The following TBC1D9 variants were observed in gnomAD, a reference collection of about 807,000 sequenced individuals.
TBC1D9 encodes TBC1 domain family member 9, also known as TBC1 domain family member 9A.
Under a neutral mutation model 132.0 loss-of-function variants are expected in TBC1D9, and 63 were observed. The ratio of observed to expected loss-of-function variants is 0.48; its 90% CI spans 0.39 to 0.59. The LOEUF (loss-of-function observed/expected upper bound fraction) is 0.59, where lower values mean the gene tolerates loss of function less well. Among genes scored for constraint, TBC1D9 ranks in the 20% least tolerant of loss-of-function variants. The pLI is 0.00. For synonymous variants in TBC1D9, 610 were observed against 609.9 expected (o/e 1.00, Z 0.00); for missense variants, 1,261 against 1,592.7 (o/e 0.79, Z 3.54).
chr4:140,742,060 CG>C (rs1738766914), intron 1 of TBC1D9, among the ~76,000 whole-genome samples: 1 of 152,174 alleles, frequency 6.6e-6, no homozygotes, highest in South Asian at 2.1e-4. Context: ...TCAATGACCC[CG>C]GGCACATGTT....
chr4:140,736,276 C>T (rs1162630438), intron 1 of TBC1D9, among the ~76,000 whole-genome samples: 1 of 152,020 alleles, frequency 6.6e-6, no homozygotes, highest in Non-Finnish European at 1.5e-5. Flanking sequence ...CACGATGGCT[C>T]ACATCTGTAA....
chr4:140,675,569 AT>A, intron 6 of TBC1D9, among the ~76,000 whole-genome samples: 1 of 152,320 alleles, frequency 6.6e-6, no homozygotes, highest in East Asian at 1.9e-4. Flanking sequence ...AGAGTAAGCT[AT>A]CATCCTGGAG....
rs747838678 is a variant in TBC1D9, at chr4:140,686,478, T to G, written c.242-16A>C. 1 of 1,453,744 alleles carries G rather than the reference T, an allele frequency of 6.9e-7. No individual in the cohort carries two copies. Among genetic ancestry groups the G allele is most frequent in the South Asian group, 1.2e-5 (1 of 84,354 alleles). The allele number at this position is 1,453,744 out of a possible 1,614,324, so 90.1% of individuals were successfully genotyped here. On this transcript the variant is annotated splice_polypyrimidine_tract_variant and intron_variant, in intron 2 of 20. Transcript: ENST00000442267. Reference sequence around the variant, plus strand: ...CTGGAACCACCTGTACAAATGAAAATAATAATTCATGTCAGATTTCATGCC... The same window carrying G: ...CTGGAACCACCTGTACAAATGAAAAGAATAATTCATGTCAGATTTCATGCC...
intron 1 of TBC1D9, among the ~76,000 whole-genome samples, chr4:140,740,224 T>C (rs951404718): frequency 2.0e-5 from 3 of 152,220 alleles, no homozygotes; most frequent in Non-Finnish European, 2.9e-5. Context: ...CCTAACACTA[T>C]GTATTAGCCA....
intron 1 of TBC1D9, among the ~76,000 whole-genome samples, chr4:140,753,957 C>A (rs1327095163): frequency 1.3e-5 from 2 of 152,196 alleles, no homozygotes; most frequent in African/African-American, 4.8e-5. Context: ...TGAAAATAGC[C>A]TTTGTTGTCA....
intron 13 of TBC1D9, among the ~76,000 whole-genome samples, chr4:140,655,592 A>G (rs1193810108): frequency 6.6e-6 from 1 of 152,226 alleles, no homozygotes; most frequent in Non-Finnish European, 1.5e-5. Flanking sequence ...CAGGAAATGA[A>G]GAAACCATCA....
intron 1 of TBC1D9, among the ~76,000 whole-genome samples, chr4:140,709,881 A>C (rs182598559): frequency 6.6e-6 from 1 of 152,320 alleles, no homozygotes; most frequent in Admixed American, 6.5e-5. Context: ...AGTTGATTTG[A>C]AACGAGGTGG....
At chr4:140,642,013 C>A in intron 13 of TBC1D9, 2 of 637,458 alleles carry the variant, frequency 3.1e-6, no homozygotes, top group South Asian at 1.8e-5. Flanking sequence ...CTTAGCCTCT[C>A]GAAGCAGCAA....
At chr4:140,695,000 C>T (rs1737931981) in intron 2 of TBC1D9, among the ~76,000 whole-genome samples, 1 of 152,066 alleles carries the variant, frequency 6.6e-6, no homozygotes, top group Non-Finnish European at 1.5e-5. Flanking sequence ...ATAAAAATAC[C>T]TATCAACTTT....
In TBC1D9 at chr4:140,624,212, T is replaced by C; in HGVS notation, c.2982A>G (p.Arg994=). The change falls in exon 20 of 21, where the codon AGA becomes AGG. Residue 994 remains arginine, a synonymous_variant. Coordinates refer to ENST00000442267, the MANE Select transcript of TBC1D9 (RefSeq NM_015130.3). ...AATTACGATTTTCTTGGGAATTTGC[T>C]CTCTTCCCTACAACCCAAATGTCAA... ...TVSLKPDKGK[R]ANSQENRNYL... 1.2e-6 allele frequency: 2 copies of C among 1,611,732 alleles called. No homozygotes were observed. The highest frequency in any genetic ancestry group is 1.7e-6 in the Non-Finnish European group (2 of 1,178,712).
Position 140,622,192 on chromosome 4 carries a change from G to C in TBC1D9, c.*3C>G. On this transcript the variant is annotated 3_prime_UTR_variant, in exon 21 of 21. Transcript: ENST00000442267. Reference sequence around the variant, plus strand: ...CTCCCACTCCCCCGGGAAGGCGCCCGTGTCAGCCGGACATGGCCGAGATTT... The same window carrying C: ...CTCCCACTCCCCCGGGAAGGCGCCCCTGTCAGCCGGACATGGCCGAGATTT... 3.2e-6 allele frequency: 5 copies of C among 1,569,132 alleles called. No homozygotes were observed. The highest frequency in any genetic ancestry group is 4.4e-6 in the Non-Finnish European group (5 of 1,148,366).
chr4:140,705,596 C>T (rs572635492), intron 1 of TBC1D9, among the ~76,000 whole-genome samples: 5 of 151,782 alleles, frequency 3.3e-5, no homozygotes, highest in African/African-American at 1.2e-4. Context: ...TCTGTTGGTA[C>T]ATGAAGTCAA....
At chr4:140,729,612 G>C (rs550343768) in intron 1 of TBC1D9, among the ~76,000 whole-genome samples, 60 of 152,182 alleles carry the variant, frequency 3.9e-4, no homozygotes, top group African/African-American at 1.3e-3. Flanking sequence ...GAGATCAAGA[G>C]ATTGAGACCA....
intron 2 of TBC1D9, among the ~76,000 whole-genome samples, chr4:140,699,730 A>G (rs1465963173): frequency 3.3e-5 from 5 of 152,328 alleles, no homozygotes; most frequent in Non-Finnish European, 7.3e-5. Flanking sequence ...TGAAACAGAA[A>G]AAGAAAATGA....
intron 1 of TBC1D9, among the ~76,000 whole-genome samples, chr4:140,743,589 C>A (rs938498071): frequency 6.6e-6 from 1 of 152,196 alleles, no homozygotes; most frequent in African/African-American, 2.4e-5. Context: ...ACCCTCAGGG[C>A]TTTTGTCTGT....
rs1220098926 is a variant in TBC1D9 at position 140,661,999 on chromosome 4, C to T, written c.1697G>A (p.Arg566His). The part of the protein sequence containing the change: ...ATEEIERDLH[R>H]SLPEHPAFQN... ...AAAAGCTGGGTGTTCTGGAAGGGAG[C>T]GGTGTAAATCCCTCTCAATCTCCTC... The change falls in exon 10 of 21, where the codon CGC becomes CAC. Residue 566 changes from arginine to histidine, a missense_variant. Arg to His is a conservative substitution (Grantham distance 29, BLOSUM62 0). Around this residue, in one of 3 missense-constraint regions of TBC1D9, gnomAD observed 93 missense variants for 169.2 expected, o/e 0.55. Transcript: ENST00000442267. 11 of 1,613,702 alleles carry T rather than the reference C, an allele frequency of 6.8e-6. No individual in the cohort carries two copies. The highest frequency in any genetic ancestry group is 2.7e-5 in the African/African-American group (2 of 74,912).
intron 1 of TBC1D9, 53 bp downstream of exon 1, chr4:140,755,863 G>C: frequency 2.0e-6 from 3 of 1,482,220 alleles, no homozygotes; most frequent in Non-Finnish European, 2.7e-6. Flanking sequence ...GGCCGCGGGC[G>C]GCGCCGCAGC....
intron 1 of TBC1D9, among the ~76,000 whole-genome samples, chr4:140,731,697 C>CT (rs1738593617): frequency 6.6e-6 from 1 of 151,466 alleles, no homozygotes; most frequent in South Asian, 2.1e-4. Flanking sequence ...ACACACACCC[C>CT]AAACATTTGC....
At chr4:140,703,285 T>G (rs552125276) in intron 1 of TBC1D9, among the ~76,000 whole-genome samples, 1 of 152,296 alleles carries the variant, frequency 6.6e-6, no homozygotes, top group African/African-American at 2.4e-5. Flanking sequence ...ATTCTGAAAA[T>G]GTTGCCACCA....
Sources: allele counts gnomAD v4.1 joint callset (sites outside exome capture counted in the v4.1 genomes callset), GRCh38; gene constraint gnomAD v4.1.1; regional missense constraint gnomAD v4.1.1; transcripts MANE v1.5; gene names NCBI Gene and HGNC (gene_info 2026-07-23, HGNC 2026-07-21).